RARB: variants seen among roughly 807,000 people sequenced by gnomAD.
RARB encodes the protein retinoic acid receptor beta.
A neutral mutation model predicts 51.9 loss-of-function variants in RARB; 17 were observed. The ratio of observed to expected loss-of-function variants is 0.33; its 90% CI spans 0.22 to 0.49. The LOEUF is 0.49. Among genes scored for constraint, RARB ranks in the 20% least tolerant of loss-of-function variants. RARB has a pLI of 0.99. For synonymous variants in RARB, 215 were observed against 195.4 expected, an observed-to-expected ratio of 1.10 and a Z score of -0.84; for missense variants, 369 against 550.8, an observed-to-expected ratio of 0.67 and a Z score of 3.30.
chr3:24,970,574 A>AACACACACACACAC (rs60292267), intron 2 of RARB, among the ~76,000 whole-genome samples: 19,218 of 148,684 alleles, frequency 0.13, 1,463 homozygotes, highest in Non-Finnish European at 0.18. Flanking sequence ...AAGTCATGTA[A>AACACACACACACAC]ACACACACAC....
chr3:24,935,846 G>T (rs1053103100), intron 2 of RARB, among the ~76,000 whole-genome samples: 2 of 152,070 alleles, frequency 1.3e-5, no homozygotes, highest in Admixed American at 6.6e-5. Flanking sequence ...TTTATTGCAG[G>T]CCTGTTGGCA....
rs147406677 is a variant in RARB at position 25,592,224 on chromosome 3, C to A, written c.787-1279C>A. Among the ~76,000 whole-genome samples, 27 of 152,328 alleles carry A rather than the reference C, an allele frequency of 1.8e-4. No homozygotes were observed. In the East Asian group the frequency reaches 5.2e-3, roughly 29 times the overall value. ...TGTAACAGGAATAATGCAGGCCTTT[C>A]TGATCACATCTGCCCTCCTGTAGGT... On this transcript the variant is annotated intron_variant, in intron 5 of 7. Coordinates refer to ENST00000330688, the MANE Select transcript of RARB (RefSeq NM_000965.5).
chr3:24,851,427 C>CA (rs1286953428), intron 1 of RARB, among the ~76,000 whole-genome samples: 3,101 of 72,214 alleles, frequency 0.043, 69 homozygotes, highest in African/African-American at 0.1. Context: ...GACTTTGTCT[C>CA]AAAAAAAAAA....
chr3:25,511,340 C>G (rs1214239991), intron 3 of RARB, among the ~76,000 whole-genome samples: 5 of 152,046 alleles, frequency 3.3e-5, no homozygotes, highest in Admixed American at 3.3e-4. Flanking sequence ...ACCGTGTTAG[C>G]CAGGATGGTC....
chr3:25,319,678 C>G (rs1212927478), intron 5 of RARB, among the ~76,000 whole-genome samples: 1 of 152,106 alleles, frequency 6.6e-6, no homozygotes, highest in Non-Finnish European at 1.5e-5. Context: ...GCAGACTTCA[C>G]CACTTCCTGA....
At chr3:25,412,023 C>T (rs1707575493) in intron 5 of RARB, among the ~76,000 whole-genome samples, 1 of 152,092 alleles carries the variant, frequency 6.6e-6, no homozygotes, top group Non-Finnish European at 1.5e-5. Context: ...CTCTTTCTTC[C>T]AGGAATTGTA....
intron 5 of RARB, among the ~76,000 whole-genome samples, chr3:25,248,025 C>G (rs7427426): frequency 0.1 from 15,548 of 152,124 alleles, 990 homozygotes; most frequent in South Asian, 0.26. Context: ...TCCTTTAAAT[C>G]TAATATTTGT....
At chr3:25,360,331 ATCT>A (rs1306487735) in intron 5 of RARB, among the ~76,000 whole-genome samples, 1 of 152,026 alleles carries the variant, frequency 6.6e-6, no homozygotes, top group African/African-American at 2.4e-5. Flanking sequence ...TGCTTGGTAA[ATCT>A]TCTTCCATCC....
At chr3:25,030,409 A>G (rs992685530) in intron 2 of RARB, among the ~76,000 whole-genome samples, 3 of 152,240 alleles carry the variant, frequency 2.0e-5, no homozygotes, top group Admixed American at 2.0e-4. Flanking sequence ...ACATATCAGT[A>G]TTTAATTCCA....
intron 1 of RARB, among the ~76,000 whole-genome samples, chr3:24,850,466 C>A (rs1395741939): frequency 6.6e-6 from 1 of 152,190 alleles, no homozygotes; most frequent in Non-Finnish European, 1.5e-5. Context: ...TAGATACTCC[C>A]ACGAGGGCAG....
Position 25,494,564 on chromosome 3 carries a change from G to A in RARB, c.307-6618G>A, listed in dbSNP as rs117899378. ...GTCTGCTTCCATAAAAGTTCTTATC[G>A]CACTGCTTGGTGGCATCTTACATAG... On this transcript the variant is annotated intron_variant, in intron 2 of 7. Transcript: ENST00000330688. Among the ~76,000 whole-genome samples, 265 of 152,144 alleles carry A rather than the reference G, an allele frequency of 1.7e-3. 5 individuals are homozygous for A. In the East Asian group the frequency reaches 0.037, roughly 22 times the overall value.
rs978928808 is a variant in RARB, at chr3:24,891,964, A to G, written c.-380+33212A>G. Among the ~76,000 whole-genome samples, 7 of 152,140 alleles carry G rather than the reference A, an allele frequency of 4.6e-5. 1 individual carries two copies. Among genetic ancestry groups the G allele is most frequent in the Admixed American group, 4.6e-4 (7 of 15,272 alleles). ...GGGGGACAGTGGTTGAGAATTTACC[A>G]AAGGAGATGGTTGGCATGTGAGACT... On this transcript the variant is annotated intron_variant, in intron 2 of 11. Transcript: ENST00000383772.
intron 5 of RARB, among the ~76,000 whole-genome samples, chr3:25,205,448 A>G (rs1392054047): frequency 6.6e-6 from 1 of 152,098 alleles, no homozygotes; most frequent in East Asian, 1.9e-4. Flanking sequence ...CCACTGTCCA[A>G]CAATCCCCAG....
intron 5 of RARB, among the ~76,000 whole-genome samples, chr3:25,290,918 C>T (rs2125421669): frequency 6.6e-6 from 1 of 152,290 alleles, no homozygotes; most frequent in Admixed American, 6.5e-5. Flanking sequence ...GAAATTATAT[C>T]ATCGCCAGTG....
intron 3 of RARB, among the ~76,000 whole-genome samples, chr3:25,088,679 T>C (rs1699144941): frequency 6.6e-6 from 1 of 152,154 alleles, no homozygotes; most frequent in Admixed American, 6.5e-5. Context: ...AAAGCTAATG[T>C]ATTCATTGTG....
intron 5 of RARB, among the ~76,000 whole-genome samples, chr3:25,328,290 C>A (rs997906520): frequency 1.2e-4 from 19 of 152,216 alleles, no homozygotes; most frequent in African/African-American, 4.6e-4. Context: ...AAGACTGAGA[C>A]GGGCGGATCA....
At chr3:24,901,722 G>A (rs1007531767) in intron 2 of RARB, among the ~76,000 whole-genome samples, 1 of 152,096 alleles carries the variant, frequency 6.6e-6, no homozygotes, top group Non-Finnish European at 1.5e-5. Context: ...TTCTTGTGAT[G>A]CCCAGCTCAC....
At chr3:25,238,948 C>T (rs1702367123) in intron 5 of RARB, among the ~76,000 whole-genome samples, 1 of 151,294 alleles carries the variant, frequency 6.6e-6, no homozygotes, top group African/African-American at 2.5e-5. Flanking sequence ...CACTGCACTC[C>T]AGCCGGGGCA....
intron 5 of RARB, among the ~76,000 whole-genome samples, chr3:25,188,526 T>C (rs321532): frequency 0.97 from 146,906 of 152,222 alleles, 70,904 homozygotes; most frequent in African/African-American, 0.98. Flanking sequence ...AAGGTCCTGA[T>C]CGTGCAGTGG....
Sources: allele counts gnomAD v4.1 joint callset (sites outside exome capture counted in the v4.1 genomes callset), GRCh38; gene constraint gnomAD v4.1.1; transcripts MANE v1.5; gene names NCBI Gene and HGNC (gene_info 2026-07-23, HGNC 2026-07-21).